The following FRY variants were observed in gnomAD, a reference collection of about 807,000 sequenced individuals.
FRY encodes protein furry homolog.
Under a neutral mutation model 348.4 loss-of-function variants are expected in FRY, and 128 were observed. That is an observed-to-expected ratio of 0.37 (90% CI 0.32 to 0.43). The LOEUF (loss-of-function observed/expected upper bound fraction) is 0.43. FRY is among the 20% of genes least tolerant of loss of function. The pLI is 1.00. For missense variants in FRY, 2,736 were observed against 3,695.2 expected (o/e 0.74, Z 6.73); for synonymous variants, 1,370 against 1,374.7 (o/e 1.00, Z 0.08).
Position 32,239,719 on chromosome 13 carries a change from A to G in FRY, c.6525A>G (p.Leu2175=), listed in dbSNP as rs757165802. The stretch of plus-strand genomic sequence containing the variant: ...TTTTTTTATTTTAAAAGGTTTGTTT[A>G]GAAGAGAAGAACCCCAAACTTTCAA... The part of the protein sequence containing the change: ...DIAERIAQVC[L]EEKNPKLSNL... Residue 2175 remains leucine (L), a synonymous_variant, in exon 46 of 61, where the codon TTA becomes TTG. Transcript: ENST00000542859. The surrounding 1 kb of genome is among the most constrained non-coding windows in gnomAD (Gnocchi z 4.3). The G allele has an allele frequency of 6.2e-7, 1 of 1,609,634 alleles. No homozygotes were observed. Among genetic ancestry groups the G allele is most frequent in the South Asian group, 1.1e-5 (1 of 90,984 alleles).
chr13:32,170,958 TAGA>T, intron 17 of FRY, 51 bp from the exon 18 acceptor site: 1 of 1,276,116 alleles, frequency 7.8e-7, no homozygotes, highest in Non-Finnish European at 1.1e-6. Context: ...TTGTTAGCTC[TAGA>T]AGACCAGTTA....
intron 60 of FRY, among the ~76,000 whole-genome samples, chr13:32,294,857 T>C (rs1889556258): frequency 6.6e-6 from 1 of 152,208 alleles, no homozygotes; most frequent in African/African-American, 2.4e-5. Context: ...TTCTTTTTGG[T>C]TTTGCCCCTA....
chr13:32,092,388 G>A (rs942747631), intron 2 of FRY, among the ~76,000 whole-genome samples: 1 of 152,178 alleles, frequency 6.6e-6, no homozygotes, highest in African/African-American at 2.4e-5. Flanking sequence ...TCCTCCTAAA[G>A]ATTACAGAGA....
At chr13:32,053,867 G>A (rs1342025490) in intron 1 of FRY, among the ~76,000 whole-genome samples, 2 of 152,182 alleles carry the variant, frequency 1.3e-5, no homozygotes, top group Non-Finnish European at 2.9e-5. Flanking sequence ...GTGTGGCTCT[G>A]TGCCTTCTCT....
intron 47 of FRY, among the ~76,000 whole-genome samples, chr13:32,245,094 C>T (rs139770606): frequency 0.028 from 4,284 of 152,126 alleles, 122 homozygotes; most frequent in Admixed American, 0.093. Context: ...GGACTACAGG[C>T]GTGTGCCACC....
intron 11 of FRY, among the ~76,000 whole-genome samples, chr13:32,137,781 T>C (rs1879813527): frequency 1.3e-5 from 2 of 152,242 alleles, no homozygotes; most frequent in African/African-American, 4.8e-5. Context: ...GCTTTTGAAT[T>C]TTAAGAATAT....
intron 3 of FRY, among the ~76,000 whole-genome samples, chr13:32,106,313 T>C (rs900691006): frequency 6.6e-6 from 1 of 151,790 alleles, no homozygotes; most frequent in African/African-American, 2.4e-5. Context: ...GCCAAGACTG[T>C]AATTTATTGT....
rs1307341183 is a variant in FRY, at chr13:32,239,412, G to T, written c.6516+63G>T. The T allele has an allele frequency of 5.1e-6, 5 of 970,986 alleles. No homozygotes were observed. The Admixed American group carries it at 6.8e-5, about 13-fold the overall frequency. The allele number at this position is 970,986 out of a possible 1,614,324, so 60.1% of individuals were successfully genotyped here. A position where few individuals can be genotyped will look rare whatever the true frequency, so the allele number is the denominator to read the frequency against. ...AGGCCTTCAGGACGCCCTAGTGTCA[G>T]GCAAATTACAAGGCCCAGAGATGGC... On this transcript the variant is annotated intron_variant, in intron 45 of 60. Coordinates refer to ENST00000542859, the MANE Select transcript of FRY (RefSeq NM_023037.3). This position sits in a 1 kb window ranked among gnomAD's most constrained non-coding sequence, Gnocchi z 4.3.
At chr13:32,079,318 G>A (rs1875321021) in intron 2 of FRY, among the ~76,000 whole-genome samples, 1 of 152,114 alleles carries the variant, frequency 6.6e-6, no homozygotes, top group South Asian at 2.1e-4. Context: ...AAGTATCAAA[G>A]AAGTGTCAAT....
intron 3 of FRY, among the ~76,000 whole-genome samples, chr13:32,109,103 A>G (rs1877774514): frequency 6.6e-6 from 1 of 152,204 alleles, no homozygotes; most frequent in African/African-American, 2.4e-5. Context: ...CTAAACTAAA[A>G]TGGAGGCAGT....
At chr13:32,174,459 G>A (rs1189722648) in intron 19 of FRY, among the ~76,000 whole-genome samples, 2 of 152,146 alleles carry the variant, frequency 1.3e-5, no homozygotes, top group African/African-American at 4.8e-5. Flanking sequence ...GTATGTGTCA[G>A]GTAGTGTGCT....
At chr13:32,229,100 G>T (rs1380003310) in intron 40 of FRY, among the ~76,000 whole-genome samples, 1 of 152,170 alleles carries the variant, frequency 6.6e-6, no homozygotes, top group South Asian at 2.1e-4. Flanking sequence ...TGTTCATCTG[G>T]TCCAAAGAGT....
Position 32,134,895 on chromosome 13 carries a change from G to C in FRY, c.886-9G>C. ...CTCTCCCTCCCTATACTCTTTTTCT[G>C]CTTCCCAGGAATGTGCACATTACTT... On this transcript the variant is annotated splice_polypyrimidine_tract_variant and intron_variant, in intron 8 of 60. Coordinates refer to ENST00000542859, the MANE Select transcript of FRY (RefSeq NM_023037.3). 6.4e-7 allele frequency: 1 copy of C among 1,568,718 alleles called. No homozygotes were observed. The highest frequency in any genetic ancestry group is 2.2e-5 in the East Asian group (1 of 44,620).
intron 3 of FRY, among the ~76,000 whole-genome samples, chr13:32,112,169 A>G (rs1403572815): frequency 6.6e-6 from 1 of 152,208 alleles, no homozygotes; most frequent in Non-Finnish European, 1.5e-5. Context: ...GCTCTGGTGA[A>G]TAAAATCCTG....
chr13:32,215,895 T>A (rs1331422751), intron 35 of FRY, among the ~76,000 whole-genome samples: 1 of 152,230 alleles, frequency 6.6e-6, no homozygotes, highest in Non-Finnish European at 1.5e-5. Flanking sequence ...ATATCAATCT[T>A]AATAAAAGAT....
At chr13:32,272,501 C>T (rs571326458) in intron 55 of FRY, among the ~76,000 whole-genome samples, 10 of 152,086 alleles carry the variant, frequency 6.6e-5, no homozygotes, top group Non-Finnish European at 1.3e-4. Context: ...AATTTACATC[C>T]CCTAAATGTC....
At chr13:32,260,141 A>T (rs148321185) in intron 51 of FRY, among the ~76,000 whole-genome samples, 4 of 152,368 alleles carry the variant, frequency 2.6e-5, no homozygotes, top group African/African-American at 9.6e-5. Context: ...TAGGAGACAG[A>T]CACGACCCTC....
intron 1 of FRY, among the ~76,000 whole-genome samples, chr13:32,052,133 C>T (rs1020829449): frequency 6.6e-6 from 1 of 152,208 alleles, no homozygotes; most frequent in African/African-American, 2.4e-5. Context: ...ATTGAGTGTG[C>T]TGTCTTTGAC....
At chr13:32,192,633 A>C (rs936894729) in intron 28 of FRY, among the ~76,000 whole-genome samples, 2 of 152,142 alleles carry the variant, frequency 1.3e-5, no homozygotes, top group Non-Finnish European at 2.9e-5. Flanking sequence ...CCTAGGCCCA[A>C]ACCCTGTAAG....
Sources: gnomAD v4.1 joint callset for allele counts (sites outside exome capture counted in the v4.1 genomes callset) on GRCh38, gnomAD v4.1.1 for gene constraint, Gnocchi (gnomAD v3.1) non-coding constraint, MANE v1.5 for transcripts, NCBI Gene and HGNC (gene_info 2026-07-23, HGNC 2026-07-21) for gene names.